HSP90AB1: variants seen among roughly 807,000 people sequenced by gnomAD.
HSP90AB1 encodes the protein heat shock protein 90 alpha family class B member 1.
In HSP90AB1, 17 loss-of-function variants were observed where a neutral mutation model predicts 67.8. That is an observed-to-expected ratio of 0.25 (90% CI 0.17 to 0.38). HSP90AB1 has a LOEUF of 0.38. Ranked by LOEUF, HSP90AB1 falls within the 10% of genes least tolerant of loss-of-function variation. The pLI is 1.00. For synonymous variants in HSP90AB1, 390 were observed against 312.9 expected, an observed-to-expected ratio of 1.25 and a Z score of -2.60; for missense variants, 690 against 899.9, an observed-to-expected ratio of 0.77 and a Z score of 2.98.
In HSP90AB1 at chr6:44,249,488, G is replaced by T. The variant is rs372668329; in HGVS notation, c.259G>T (p.Val87Leu). 6.2e-7 allele frequency: 1 copy of T among 1,614,016 alleles called. No homozygotes were observed. Among genetic ancestry groups the T allele is most frequent in the African/African-American group, 1.3e-5 (1 of 74,940 alleles). ...CCCTCAGGAACGTACCCTGACTTTG[G>T]TAGACACAGGCATTGGCATGACCAA... ...PNPQERTLTL[V>L]DTGIGMTKAD... Residue 87 changes from valine (V) to leucine (L), a missense_variant, in exon 3 of 12, where the codon GTA becomes TTA. Physicochemically the swap from Val to Leu is conservative, Grantham distance 32. Around this residue, in one of 7 missense-constraint regions of HSP90AB1, gnomAD observed 88 missense variants for 167.7 expected, o/e 0.52. Coordinates refer to ENST00000371646, the MANE Select transcript of HSP90AB1 (RefSeq NM_007355.4).
upstream of HSP90AB1, chr6:44,246,242 G>A (rs964680402): frequency 6.6e-6 from 1 of 152,378 alleles, no homozygotes; most frequent in East Asian, 1.9e-4. Flanking sequence ...CCAGGTGCCT[G>A]GGTGTTGTGT....
chr6:44,248,511 TACTCC>T, intron 1 of HSP90AB1, 114 bp from the exon 2 acceptor site: 1 of 824,796 alleles, frequency 1.2e-6, no homozygotes, highest in Non-Finnish European at 1.9e-6. Flanking sequence ...GAAGGGATAG[TACTCC>T]GGTTAAACCA....
At position 44,248,645 on chromosome 6, in the gene HSP90AB1, C is replaced by T. The variant is rs757664391; in HGVS notation, c.16C>T (p.His6Tyr). Residue 6 changes from histidine (H) to tyrosine (Y), a missense_variant, in exon 2 of 12, where the codon CAC becomes TAC. Coordinates refer to ENST00000371646, the MANE Select transcript of HSP90AB1 (RefSeq NM_007355.4). Reference protein sequence around the residue: MPEEVHHGEEEVETFA... With the variant: MPEEVYHGEEEVETFA... ...TTTATTTTAGATGCCTGAGGAAGTGCACCATGGAGAGGAGGAGGTGGAGAC... is the reference window on the plus strand; with the variant it reads ...TTTATTTTAGATGCCTGAGGAAGTGTACCATGGAGAGGAGGAGGTGGAGAC... 2 of 1,610,100 alleles carry T rather than the reference C, an allele frequency of 1.2e-6. No homozygotes were observed. Among genetic ancestry groups the T allele is most frequent in the African/African-American group, 1.3e-5 (1 of 74,552 alleles).
rs778875600 is a variant in HSP90AB1, at chr6:44,250,606, G to A, written c.957+7G>A. 2 of 1,526,762 alleles carry A rather than the reference G, an allele frequency of 1.3e-6. No homozygotes were observed. Among genetic ancestry groups the A allele is most frequent in the Non-Finnish European group, 1.8e-6 (2 of 1,103,636 alleles). The allele number at this position is 1,526,762 out of a possible 1,614,324, so 94.6% of individuals were successfully genotyped here. On this transcript the variant is annotated splice_region_variant and intron_variant, in intron 6 of 11. Coordinates refer to ENST00000371646, the MANE Select transcript of HSP90AB1 (RefSeq NM_007355.4). ...AGACCACTTGGCAGTCAAGGTGTGA[G>A]AAGCCTTTGCATGTTGGCTCAACAT... is the stretch of plus-strand genomic sequence containing the variant.
chr6:44,248,536 C>G (rs200244639), intron 1 of HSP90AB1, 94 bp from the exon 2 acceptor site: 35 of 1,167,882 alleles, frequency 3.0e-5, no homozygotes, highest in South Asian at 2.8e-4. Context: ...AGTCTGAACT[C>G]ACTGTCTAAG....
At chr6:44,253,434 T>C in intron 11 of HSP90AB1, 55 bp from the exon 12 acceptor site, 1 of 1,603,848 alleles carries the variant, frequency 6.2e-7, no homozygotes, top group Non-Finnish European at 8.5e-7. Flanking sequence ...GTCTCCTCTA[T>C]GGATTTGACT....
intron 11 of HSP90AB1, 47 bp downstream of exon 11, chr6:44,253,425 TCTC>T (rs1429550650): frequency 3.1e-6 from 5 of 1,602,734 alleles, no homozygotes; most frequent in South Asian, 2.2e-5. Flanking sequence ...GTGCAACTCG[TCTC>T]CTCTATGGAT....
At position 44,248,958 on chromosome 6, in the gene HSP90AB1, G is replaced by A. The variant is rs559528507; in HGVS notation, c.147+182G>A. Among the ~76,000 whole-genome samples the A allele has an allele frequency of 5.1e-4, 77 of 152,316 alleles. 1 individual carries two copies. Among genetic ancestry groups the A allele is most frequent in the Non-Finnish European group, 8.1e-4 (55 of 68,022 alleles). ...TTGGAAGGGACTATGTCCAGAATAAGTGGGCTCATGGAACTAACTGGTTCT... is the reference window on the plus strand; with the variant it reads ...TTGGAAGGGACTATGTCCAGAATAAATGGGCTCATGGAACTAACTGGTTCT... On this transcript the variant is annotated intron_variant, in intron 2 of 11. Coordinates refer to ENST00000371646, the MANE Select transcript of HSP90AB1 (RefSeq NM_007355.4).
chr6:44,248,568 T>G, intron 1 of HSP90AB1, 62 bp from the exon 2 acceptor site: 1 of 1,507,522 alleles, frequency 6.6e-7, no homozygotes, highest in Non-Finnish European at 9.1e-7. Context: ...TGATATGACC[T>G]TTAGGATTTT....
At position 44,249,728 on chromosome 6, in the gene HSP90AB1, C is replaced by T. The variant is rs142538541; in HGVS notation, c.408C>T (p.Ala136=). Residue 136 remains alanine, a synonymous_variant, in exon 4 of 12, where the codon GCC becomes GCT. Coordinates refer to ENST00000371646, the MANE Select transcript of HSP90AB1 (RefSeq NM_007355.4). ...AGTTTGGTGTTGGCTTTTATTCTGC[C>T]TACTTGGTGGCAGAGAAAGTGGTTG... ...IGQFGVGFYS[A]YLVAEKVVVI... 2 of 1,613,962 alleles carry T rather than the reference C, an allele frequency of 1.2e-6. No homozygotes were observed. Among genetic ancestry groups the T allele is most frequent in the African/African-American group, 1.3e-5 (1 of 74,888 alleles).
chr6:44,246,530 C>T (rs1582977410), upstream of HSP90AB1, among the ~76,000 whole-genome samples: 1 of 152,328 alleles, frequency 6.6e-6, no homozygotes, highest in East Asian at 1.9e-4. Context: ...CCCCGGCCGG[C>T]GCCCTCCCCC....
In HSP90AB1 at chr6:44,249,787, C is replaced by G; in HGVS notation, c.467C>G (p.Ala156Gly). 1 of 1,613,366 alleles carries G rather than the reference C, an allele frequency of 6.2e-7. No homozygotes were observed. The highest frequency in any genetic ancestry group is 8.5e-7 in the Non-Finnish European group (1 of 1,179,576). The change falls in exon 4 of 12, where the codon GCT becomes GGT. Residue 156 changes from alanine (A) to glycine (G), a missense_variant. This residue lies in a region of HSP90AB1 where 146 missense variants were observed against 143.7 expected (regional missense o/e 1.02). Coordinates refer to ENST00000371646, the MANE Select transcript of HSP90AB1 (RefSeq NM_007355.4). Reference protein sequence around the residue: ...ITKHNDDEQYAWESSAGGSFT... With the variant: ...ITKHNDDEQYGWESSAGGSFT... ...AAGCACAACGATGATGAACAGTATG[C>G]TTGGGAGTCTTCTGCTGGAGGTTCC... is the stretch of plus-strand genomic sequence containing the variant.
At position 44,249,752 on chromosome 6, in the gene HSP90AB1, T is replaced by G. The variant is rs751590992; in HGVS notation, c.432T>G (p.Val144=). 15 of 1,614,024 alleles carry G rather than the reference T, an allele frequency of 9.3e-6. No individual in the cohort carries two copies. The South Asian group carries it at 1.4e-4, about 15-fold the overall frequency. Residue 144 remains valine, a synonymous_variant, in exon 4 of 12, where the codon GTT becomes GTG. Coordinates refer to ENST00000371646, the MANE Select transcript of HSP90AB1 (RefSeq NM_007355.4). ...CCTACTTGGTGGCAGAGAAAGTGGT[T>G]GTGATCACAAAGCACAACGATGATG... ...YSAYLVAEKV[V]VITKHNDDEQ... is the part of the protein sequence containing the mutation.
chr6:44,251,078 A>G lies in HSP90AB1; in HGVS notation c.988A>G (p.Arg330Gly). The part of the protein sequence containing the change: ...HFSVEGQLEF[R>G]ALLFIPRRAP... ...TTCTGTAGAAGGTCAGTTGGAATTC[A>G]GGGCATTGCTATTTATTCCTCGTCG... Residue 330 changes from arginine to glycine, a missense_variant, in exon 7 of 12, where the codon AGG becomes GGG. By Grantham distance (125) the Arg-to-Gly change is moderately radical (BLOSUM62 -2). This residue lies in a region of HSP90AB1 where 101 missense variants were observed against 174.8 expected (regional missense o/e 0.58). Coordinates refer to ENST00000371646, the MANE Select transcript of HSP90AB1 (RefSeq NM_007355.4). The G allele has an allele frequency of 6.2e-7, 1 of 1,614,132 alleles. No homozygotes were observed. Among genetic ancestry groups the G allele is most frequent in the Non-Finnish European group, 8.5e-7 (1 of 1,179,978 alleles).
Position 44,252,964 on chromosome 6 carries a change from C to T in HSP90AB1, c.1732-81C>T, listed in dbSNP as rs946762732. ...CAAGTGGTCTGTCCACCTCCTCCCC[C>T]TGCTGGAATTAGGCTTGACAATGCC... is the stretch of plus-strand genomic sequence containing the variant. On this transcript the variant is annotated intron_variant, in intron 10 of 11. Transcript: ENST00000371646. 9.3e-6 allele frequency: 11 copies of T among 1,185,566 alleles called. No homozygotes were observed. The South Asian group carries it at 1.4e-4, about 15-fold the overall frequency. The allele number at this position is 1,185,566 out of a possible 1,614,324, so 73.4% of individuals were successfully genotyped here.
intron 2 of HSP90AB1, 47 bp downstream of exon 2, chr6:44,248,823 C>A: frequency 1.9e-6 from 3 of 1,544,036 alleles, no homozygotes; most frequent in East Asian, 4.5e-5. Flanking sequence ...TTTTTTGATA[C>A]TCTAGAAGGA....
chr6:44,249,634 GCTT>G (rs1356438350), intron 3 of HSP90AB1, 38 bp from the exon 4 acceptor site: 2 of 1,610,256 alleles, frequency 1.2e-6, no homozygotes, highest in Non-Finnish European at 1.7e-6. Flanking sequence ...TTGGTTTTTT[GCTT>G]CTTTAAAACT....
rs1561902717 is a variant in HSP90AB1, at chr6:44,253,392, G to GT, written c.2065+15dup. The GT allele has an allele frequency of 1.2e-6, 2 of 1,607,980 alleles. No individual in the cohort carries two copies. Among genetic ancestry groups the GT allele is most frequent in the African/African-American group, 1.3e-5 (1 of 74,358 alleles). On this transcript the variant is annotated intron_variant, in intron 11 of 11. Transcript: ENST00000371646. The stretch of plus-strand genomic sequence containing the variant: ...AGCTAGGTCTAGGTAAGTAGCTTTG[G>GT]TACTTGGTGTGGCAAGGAGTTTGTG...
chr6:44,246,342 C>T (rs1582977042), upstream of HSP90AB1: 1 of 152,262 alleles, frequency 6.6e-6, no homozygotes, highest in African/African-American at 2.4e-5. Context: ...GTCTCTCGGA[C>T]AGGTCAGAGC....
Sources: allele counts gnomAD v4.1 joint callset (sites outside exome capture counted in the v4.1 genomes callset), GRCh38; gene constraint gnomAD v4.1.1; regional missense constraint gnomAD v4.1.1; transcripts MANE v1.5; gene names NCBI Gene and HGNC (gene_info 2026-07-23, HGNC 2026-07-21).